ENOX2: variants seen among roughly 807,000 people sequenced by gnomAD.
ENOX2 encodes the protein ecto-NOX disulfide-thiol exchanger 2.
Under a neutral mutation model 45.0 loss-of-function variants are expected in ENOX2, and 36 were observed. That is an observed-to-expected ratio of 0.80 (90% CI 0.61 to 1.06). ENOX2 has a LOEUF of 1.06. ENOX2 is among the 50% of genes least tolerant of loss of function. The pLI is 0.00. For missense variants in ENOX2, 423 were observed against 462.5 expected, an observed-to-expected ratio of 0.91 and a Z score of 0.78; for synonymous variants, 174 against 152.3, an observed-to-expected ratio of 1.14 and a Z score of -1.05.
At chrX:130,627,888 G>A in intron 14 of ENOX2, 70 bp downstream of exon 14, 3 of 703,144 alleles carry the variant, frequency 4.3e-6, no homozygotes, top group Non-Finnish European at 6.9e-6. Context: ...TTATGCTTGA[G>A]GAGAGTCAGG....
chrX:130,859,040 C>T, intron 2 of ENOX2, among the ~76,000 whole-genome samples: 1 of 112,369 alleles, frequency 8.9e-6, no homozygotes, highest in African/African-American at 3.2e-5. Flanking sequence ...TAAGAAATAA[C>T]AGCCTGGCTG....
chrX:130,687,871 G>C (rs1314995926), intron 5 of ENOX2, among the ~76,000 whole-genome samples: 1 of 112,012 alleles, frequency 8.9e-6, no homozygotes, highest in Non-Finnish European at 1.9e-5. Flanking sequence ...TAAAATCTGG[G>C]TCCCTGCCAG....
intron 14 of ENOX2, 124 bp downstream of exon 14, chrX:130,627,834 A>G (rs1373146808): frequency 1.9e-6 from 1 of 522,765 alleles, no homozygotes; most frequent in South Asian, 2.8e-5. Flanking sequence ...ACAGTGAGAG[A>G]GCAGGTGAGG....
rs10589816 is a variant in ENOX2 at position 130,780,843 on chromosome X, GGA to G, written c.-39+2702_-39+2703del. Among the ~76,000 whole-genome samples the G allele has an allele frequency of 3.7e-3, 408 of 111,467 alleles. 2 individuals carry two copies. Among genetic ancestry groups the G allele is most frequent in the African/African-American group, 0.013 (394 of 30,664 alleles). ...CTCCCTCGTTTGCAGGGAAGGAGAG[GGA>G]GAGAGATGGCTTTGACTCAGTGGAG... On this transcript the variant is annotated intron_variant, in intron 3 of 14. Coordinates refer to ENST00000394363, the MANE Select transcript of ENOX2 (RefSeq NM_006375.4).
intron 4 of ENOX2, among the ~76,000 whole-genome samples, chrX:130,701,157 T>C (rs1473614581): frequency 9.0e-6 from 1 of 111,477 alleles, no homozygotes; most frequent in African/African-American, 3.3e-5. Flanking sequence ...AATCATATGA[T>C]ATCAGTTAAC....
In ENOX2 at chrX:130,759,205, A is replaced by T. The variant is rs2039416894; in HGVS notation, c.-39+24342T>A. 2.7e-5 allele frequency among the ~76,000 whole-genome samples: 3 copies of T among 111,171 alleles called. No individual in the cohort carries two copies. The Middle Eastern group carries it at 0.014, about 519-fold the overall frequency. On this transcript the variant is annotated intron_variant, in intron 3 of 14. Transcript: ENST00000394363. The stretch of plus-strand genomic sequence containing the variant: ...TTTATATTTTAAATGTAAGTCCATG[A>T]TCCATTTTGAGTATATTTTTACAGG...
chrX:130,703,210 GTGT>G lies in ENOX2; in HGVS notation c.4_6del (p.Thr2del). ...CATGCAGTTGGATCAGACATAGGTAGTGTCATTGCAGTGGAATCCACGTTCAGA... is the reference window on the plus strand; with the variant it reads ...CATGCAGTTGGATCAGACATAGGTAGCATTGCAGTGGAATCCACGTTCAGA... On this transcript the variant is annotated inframe_deletion, in exon 4 of 15. Coordinates refer to ENST00000394363, the MANE Select transcript of ENOX2 (RefSeq NM_006375.4). The G allele has an allele frequency of 8.3e-7, 1 of 1,202,288 alleles. No individual in the cohort carries two copies. Among genetic ancestry groups the G allele is most frequent in the Non-Finnish European group, 1.1e-6 (1 of 888,986 alleles).
At chrX:130,773,780 G>A (rs1211783665) in intron 3 of ENOX2, among the ~76,000 whole-genome samples, 1 of 111,938 alleles carries the variant, frequency 8.9e-6, no homozygotes, top group Admixed American at 9.5e-5. Flanking sequence ...TGCAGAATAA[G>A]CAAAATATTT....
chrX:130,771,098 G>C (rs1360256929), intron 3 of ENOX2, among the ~76,000 whole-genome samples: 1 of 111,972 alleles, frequency 8.9e-6, no homozygotes, highest in Non-Finnish European at 1.9e-5. Flanking sequence ...AGTAAGGGTA[G>C]AGATTATCTT....
chrX:130,861,298 C>A (rs1464623380), intron 2 of ENOX2, among the ~76,000 whole-genome samples: 1 of 111,714 alleles, frequency 9.0e-6, no homozygotes, highest in Non-Finnish European at 1.9e-5. Context: ...GAAGAGATAT[C>A]TACACTCCCA....
At chrX:130,761,799 C>G (rs893075317) in intron 3 of ENOX2, among the ~76,000 whole-genome samples, 5 of 111,092 alleles carry the variant, frequency 4.5e-5, no homozygotes, top group African/African-American at 1.6e-4. Context: ...GAGGGTTCTG[C>G]CCCCATGACC....
At chrX:130,632,821 C>T (rs2035813574) in intron 12 of ENOX2, among the ~76,000 whole-genome samples, 1 of 112,068 alleles carries the variant, frequency 8.9e-6, no homozygotes, top group Non-Finnish European at 1.9e-5. Flanking sequence ...CAATCTTTGG[C>T]CTTTAGAATC....
At chrX:130,753,125 T>A (rs1368224389) in intron 3 of ENOX2, among the ~76,000 whole-genome samples, 1 of 111,380 alleles carries the variant, frequency 9.0e-6, no homozygotes, top group South Asian at 3.8e-4. Context: ...TTCTTGACTT[T>A]CTTTCTCACT....
At chrX:130,757,106 A>G (rs1297765907) in intron 3 of ENOX2, among the ~76,000 whole-genome samples, 1 of 112,006 alleles carries the variant, frequency 8.9e-6, no homozygotes, top group Non-Finnish European at 1.9e-5. Context: ...CTTCATCTTC[A>G]ATATTTTCCT....
intron 2 of ENOX2, among the ~76,000 whole-genome samples, chrX:130,791,789 C>T (rs1007835520): frequency 2.7e-5 from 3 of 111,667 alleles, no homozygotes; most frequent in African/African-American, 9.8e-5. Context: ...GGTAGACAAT[C>T]ACACACTCCA....
chrX:130,746,210 G>A (rs1294598759), intron 3 of ENOX2, among the ~76,000 whole-genome samples: 5 of 112,186 alleles, frequency 4.5e-5, no homozygotes, highest in African/African-American at 1.6e-4. Context: ...TTAATGAGCA[G>A]CAATGGACTT....
intron 2 of ENOX2, among the ~76,000 whole-genome samples, chrX:130,859,964 T>C (rs1445290138): frequency 9.1e-6 from 1 of 109,733 alleles, no homozygotes; most frequent in African/African-American, 3.3e-5. Flanking sequence ...CGAAACTATT[T>C]TTTTTTTTTT....
At chrX:130,825,125 G>A (rs1205671360) in intron 2 of ENOX2, among the ~76,000 whole-genome samples, 3 of 110,712 alleles carry the variant, frequency 2.7e-5, no homozygotes, top group Non-Finnish European at 5.7e-5. Flanking sequence ...CCATCAACAA[G>A]GAAATTGACA....
chrX:130,817,132 A>ATAAACACCTCT (rs1569505309), intron 2 of ENOX2, among the ~76,000 whole-genome samples: 1 of 112,391 alleles, frequency 8.9e-6, no homozygotes. Context: ...AGAGAATAGT[A>ATAAACACCTCT]TAAACACCTC....
Sources: gnomAD v4.1 joint callset for allele counts (sites outside exome capture counted in the v4.1 genomes callset) on GRCh38, gnomAD v4.1.1 for gene constraint, MANE v1.5 for transcripts, NCBI Gene and HGNC (gene_info 2026-07-23, HGNC 2026-07-21) for gene names.